C12orf76: variants seen among roughly 807,000 people sequenced by gnomAD.
C12orf76 encodes the protein uncharacterized protein C12orf76.
C12orf76 carries 6 observed loss-of-function variants against 6.8 expected under a neutral mutation model. The ratio of observed to expected loss-of-function variants is 0.88; its 90% CI spans 0.48 to 1.73. The LOEUF (loss-of-function observed/expected upper bound fraction) is 1.73, where lower values mean the gene tolerates loss of function less well. Ranked by LOEUF, C12orf76 falls within the 40% of genes most tolerant of loss-of-function variation. C12orf76 has a pLI of 0.01. For synonymous variants in C12orf76, 56 were observed against 43.7 expected, an observed-to-expected ratio of 1.28 and a Z score of -1.11; for missense variants, 99 against 98.2, an observed-to-expected ratio of 1.01 and a Z score of -0.03.
upstream of C12orf76, chr12:110,051,064 AC>A: frequency 1.3e-6 from 1 of 780,192 alleles, no homozygotes; most frequent in Non-Finnish European, 2.4e-6. Flanking sequence ...TTCTTTCTCC[AC>A]GATCTCCTCT....
intron 1 of C12orf76, among the ~76,000 whole-genome samples, chr12:110,046,842 G>A (rs1169944426): frequency 6.6e-6 from 1 of 152,106 alleles, no homozygotes; most frequent in African/African-American, 2.4e-5. Context: ...TTAGGAGTAG[G>A]GGGTGCTACT....
Position 110,042,408 on chromosome 12 carries a change from G to A in C12orf76, c.185C>T (p.Ala62Val). Reference sequence around the variant, plus strand: ...CCGAATGGGCTTGTAGACACAAAATGCCATAAGGATGACAGTCACCAGCAG... The same window carrying A: ...CCGAATGGGCTTGTAGACACAAAATACCATAAGGATGACAGTCACCAGCAG... ...SILLVTVILMAFCVYKPIRRR is the reference protein window; with the variant it reads ...SILLVTVILMVFCVYKPIRRR The change falls in exon 2 of 2, where the codon GCA becomes GTA. Residue 62 changes from alanine (A) to valine (V), a missense_variant. Ala to Val is a moderately conservative substitution (Grantham distance 64). Coordinates refer to ENST00000615315, the MANE Select transcript of C12orf76 (RefSeq NM_001389625.1). The A allele has an allele frequency of 6.2e-7, 1 of 1,614,124 alleles. No individual in the cohort carries two copies. Among genetic ancestry groups the A allele is most frequent in the Non-Finnish European group, 8.5e-7 (1 of 1,179,962 alleles).
At chr12:110,055,977 G>A (rs972609565) in intron 4 of C12orf76, among the ~76,000 whole-genome samples, 4 of 151,938 alleles carry the variant, frequency 2.6e-5, no homozygotes, top group Non-Finnish European at 5.9e-5. Flanking sequence ...GGAGGCTGAG[G>A]CAGGAAAATC....
intron 3 of C12orf76, among the ~76,000 whole-genome samples, chr12:110,057,713 A>G (rs1253175573): frequency 6.6e-6 from 1 of 152,162 alleles, no homozygotes; most frequent in South Asian, 2.1e-4. Context: ...TTTGGGGGTT[A>G]GATTCCTAAA....
upstream of C12orf76, among the ~76,000 whole-genome samples, chr12:110,051,654 T>C (rs1892578232): frequency 6.6e-6 from 1 of 152,140 alleles, no homozygotes; most frequent in African/African-American, 2.4e-5. Flanking sequence ...CTTGAACTCC[T>C]GACCTCATGA....
At chr12:110,053,859 G>A (rs1006713562), upstream of C12orf76, among the ~76,000 whole-genome samples, 3 of 152,012 alleles carry the variant, frequency 2.0e-5, no homozygotes, top group Non-Finnish European at 4.4e-5. Flanking sequence ...TGAAGCAGGG[G>A]AATTGCTTGA....
rs536764355 is a variant in C12orf76 at position 110,066,588 on chromosome 12, T to C, written n.207-555A>G. Among the ~76,000 whole-genome samples the C allele has an allele frequency of 1.1e-4, 16 of 151,718 alleles. No homozygotes were observed. In the South Asian group the frequency reaches 3.3e-3, roughly 32 times the overall value. Reference sequence around the variant, plus strand: ...TGTAATCCCAGCTAACTCGGGAGGCTGAAGCAAGAGAATCGCTTGAACCCG... The same window carrying C: ...TGTAATCCCAGCTAACTCGGGAGGCCGAAGCAAGAGAATCGCTTGAACCCG... On this transcript the variant is annotated intron_variant and non_coding_transcript_variant, in intron 1 of 4. Transcript: ENST00000309050.
chr12:110,042,156 C>T lies in C12orf76; in HGVS notation c.*218G>A. The stretch of plus-strand genomic sequence containing the variant: ...TACTTTTAACAAGTACAGTCAGAAA[C>T]ACTGAGAAGCGGACTCAGGGGCCAA... On this transcript the variant is annotated 3_prime_UTR_variant, in exon 2 of 2. Coordinates refer to ENST00000615315, the MANE Select transcript of C12orf76 (RefSeq NM_001389625.1). 1 of 575,526 alleles carries T rather than the reference C, an allele frequency of 1.7e-6. No individual in the cohort carries two copies. The highest frequency in any genetic ancestry group is 3.1e-6 in the Non-Finnish European group (1 of 320,670). The allele number at this position is 575,526 out of a possible 1,614,324, so 35.7% of individuals were successfully genotyped here. A position where few individuals can be genotyped will look rare whatever the true frequency, so the allele number is the denominator to read the frequency against.
chr12:110,065,898 G>A lies in C12orf76; in HGVS notation n.342C>T, dbSNP rs1892851054. On this transcript the variant is annotated non_coding_transcript_exon_variant, in exon 2 of 5. Coordinates refer to the C12orf76 transcript ENST00000309050. ...ATGCTGTCCTTGCTGTTCCTCTTTT[G>A]TGCTTCCAGATCTTTGCATTTACTG... 7 of 1,613,852 alleles carry A rather than the reference G, an allele frequency of 4.3e-6. No homozygotes were observed. In the Admixed American group the frequency reaches 1.0e-4, roughly 23 times the overall value.
At chr12:110,042,728 G>T (rs1329417006) in intron 1 of C12orf76, 3 of 631,384 alleles carry the variant, frequency 4.8e-6, no homozygotes, top group Non-Finnish European at 8.6e-6. Flanking sequence ...CAGCAAGAAG[G>T]GGGGACAGTC....
Position 110,047,919 on chromosome 12 carries a change from G to C in C12orf76, c.133+444C>G, listed in dbSNP as rs375703842. The stretch of plus-strand genomic sequence containing the variant: ...TGCCAGAGAGGAGAGGACCCAGAAT[G>C]AGACCCAGGTCTCCCGATTGCAGTT... On this transcript the variant is annotated intron_variant, in intron 1 of 1. Transcript: ENST00000615315. 6.5e-4 allele frequency among the ~76,000 whole-genome samples: 99 copies of C among 152,306 alleles called. 1 individual carries two copies. In the South Asian group the frequency reaches 0.019, roughly 30 times the overall value.
chr12:110,062,906 G>A (rs908273125), intron 2 of C12orf76, among the ~76,000 whole-genome samples: 5 of 146,802 alleles, frequency 3.4e-5, no homozygotes, highest in Non-Finnish European at 7.4e-5. Context: ...GCCTCCCAAA[G>A]TGCTGGGATT....
At position 110,041,881 on chromosome 12, in the gene C12orf76, CTT is replaced by C. The variant is rs1892321610; in HGVS notation, c.*491_*492del. 6.2e-6 allele frequency: 1 copy of C among 160,228 alleles called. No individual in the cohort carries two copies. The highest frequency in any genetic ancestry group is 5.9e-5 in the Admixed American group (1 of 17,046). The allele number at this position is 160,228 out of a possible 1,614,324, so 9.9% of individuals were successfully genotyped here. A position where few individuals can be genotyped will look rare whatever the true frequency, so the allele number is the denominator to read the frequency against. The stretch of plus-strand genomic sequence containing the variant: ...CCCAAGATCCCCACAGCTGACACCA[CTT>C]TGCAACCAGCGCATTCTAGGCTAAC... On this transcript the variant is annotated 3_prime_UTR_variant, in exon 2 of 2. Coordinates refer to ENST00000615315, the MANE Select transcript of C12orf76 (RefSeq NM_001389625.1).
intron 2 of C12orf76, among the ~76,000 whole-genome samples, chr12:110,062,249 G>A (rs1452866231): frequency 6.6e-6 from 1 of 152,138 alleles, no homozygotes; most frequent in Non-Finnish European, 1.5e-5. Context: ...GAGTGATTGA[G>A]TGAGACTCCA....
chr12:110,048,225 G>A, intron 1 of C12orf76, 138 bp downstream of exon 1: 1 of 1,121,302 alleles, frequency 8.9e-7, no homozygotes, highest in East Asian at 3.2e-5. Context: ...GGCCCCCTGA[G>A]GGGCCTCACC....
upstream of C12orf76, among the ~76,000 whole-genome samples, chr12:110,072,161 T>C (rs2137244278): frequency 6.6e-6 from 1 of 152,176 alleles, no homozygotes; most frequent in South Asian, 2.1e-4. Context: ...GTATGGTGGC[T>C]CACGCCTGTA....
At position 110,057,400 on chromosome 12, in the gene C12orf76, A is replaced by T. The variant is rs79902216; in HGVS notation, n.557-104T>A. The T allele has an allele frequency of 5.8e-3, 4,282 of 743,966 alleles. 126 individuals are homozygous for T. The African/African-American group carries it at 0.065, about 11-fold the overall frequency. 46.1% of individuals were successfully genotyped at this position (743,966 alleles called of 1,614,324 possible). A position where few individuals can be genotyped will look rare whatever the true frequency, so the allele number is the denominator to read the frequency against. On this transcript the variant is annotated intron_variant and non_coding_transcript_variant, in intron 3 of 4. Transcript: ENST00000309050. Reference sequence around the variant, plus strand: ...TAACCCAGGGCCAACAGACATCTTCATGGACCCCTAAAGAACAGTGGCGCC... The same window carrying T: ...TAACCCAGGGCCAACAGACATCTTCTTGGACCCCTAAAGAACAGTGGCGCC...
chr12:110,065,317 C>T (rs1397384840), intron 2 of C12orf76, among the ~76,000 whole-genome samples: 1 of 151,816 alleles, frequency 6.6e-6, no homozygotes, highest in African/African-American at 2.4e-5. Context: ...ATTACAGGCA[C>T]CTGCCACCAC....
chr12:110,067,350 G>C (rs931645247), intron 1 of C12orf76: 1 of 940,316 alleles, frequency 1.1e-6, no homozygotes, highest in African/African-American at 1.8e-5. Context: ...ACCAAGGTAA[G>C]AATAGGAGCT....
Sources: allele counts gnomAD v4.1 joint callset (sites outside exome capture counted in the v4.1 genomes callset), GRCh38; gene constraint gnomAD v4.1.1; transcripts MANE v1.5; gene names NCBI Gene and HGNC (gene_info 2026-07-23, HGNC 2026-07-21).